Variants in SRPK2 observed in about 807,000 individuals in gnomAD.
The protein encoded by SRPK2 is SRSF protein kinase 2.
A neutral mutation model predicts 90.8 loss-of-function variants in SRPK2; 21 were observed. The observed-to-expected ratio is 0.23, with a 90% CI of 0.16 to 0.33. The LOEUF is 0.33. SRPK2 is among the 10% of genes least tolerant of loss of function. The probability of loss-of-function intolerance (pLI) is 1.00; values close to 1 mark genes in which losing one functional copy is unlikely to be tolerated. For missense variants in SRPK2, 620 were observed against 869.0 expected, an observed-to-expected ratio of 0.71 and a Z score of 3.60; for synonymous variants, 288 against 311.1, an observed-to-expected ratio of 0.93 and a Z score of 0.78.
At chr7:105,250,470 C>A (rs1802333614) in intron 2 of SRPK2, among the ~76,000 whole-genome samples, 1 of 151,944 alleles carries the variant, frequency 6.6e-6, no homozygotes, top group African/African-American at 2.4e-5. Flanking sequence ...GTTGGATTTA[C>A]AGAAGTATGT....
chr7:105,154,452 T>G (rs1441834919), intron 7 of SRPK2, among the ~76,000 whole-genome samples: 2 of 152,216 alleles, frequency 1.3e-5, no homozygotes, highest in Admixed American at 6.5e-5. Context: ...ATAACAAAAT[T>G]TACTGATAAA....
At position 105,264,639 on chromosome 7, in the gene SRPK2, T is replaced by G. The variant is rs1448715620; in HGVS notation, c.72-60854A>C. ...TTGAGCTACAAGTATAAAGACTCCC[T>G]TTTAAACACTAAAATACATCAAAAA... On this transcript the variant is annotated intron_variant, in intron 2 of 15. Transcript: ENST00000393651. Among the ~76,000 whole-genome samples, 10 of 152,226 alleles carry G rather than the reference T, an allele frequency of 6.6e-5. 1 individual carries two copies. The highest frequency in any genetic ancestry group is 1.9e-4 in the African/African-American group (8 of 41,462).
intron 2 of SRPK2, among the ~76,000 whole-genome samples, chr7:105,361,978 G>T (rs1019701179): frequency 6.6e-6 from 1 of 152,098 alleles, no homozygotes; most frequent in African/African-American, 2.4e-5. Flanking sequence ...TGAAAAACAG[G>T]ATCTAATTAA....
At chr7:105,324,764 G>A (rs946763825) in intron 2 of SRPK2, among the ~76,000 whole-genome samples, 1 of 152,198 alleles carries the variant, frequency 6.6e-6, no homozygotes, top group African/African-American at 2.4e-5. Flanking sequence ...GTGCACGCCT[G>A]CAATCCCAGC....
intron 2 of SRPK2, among the ~76,000 whole-genome samples, chr7:105,244,186 G>C (rs1801245672): frequency 6.6e-6 from 1 of 152,232 alleles, no homozygotes; most frequent in Non-Finnish European, 1.5e-5. Context: ...AGAACACAGA[G>C]AAGTTGGGGT....
chr7:105,383,053 AT>A (rs1161926443), intron 2 of SRPK2, among the ~76,000 whole-genome samples: 186 of 101,590 alleles, frequency 1.8e-3, no homozygotes, highest in African/African-American at 6.5e-3. Flanking sequence ...AAAAGTAAAA[AT>A]TTTTTTTTTT....
At chr7:105,212,706 T>C (rs879317931) in intron 2 of SRPK2, among the ~76,000 whole-genome samples, 3 of 152,048 alleles carry the variant, frequency 2.0e-5, no homozygotes, top group Non-Finnish European at 4.4e-5. Context: ...GTAGAAAGGA[T>C]AAAAGCAAGA....
chr7:105,181,304 A>G (rs1792765515), intron 3 of SRPK2, among the ~76,000 whole-genome samples: 2 of 152,238 alleles, frequency 1.3e-5, no homozygotes, highest in Non-Finnish European at 2.9e-5. Context: ...GGAAATCAGT[A>G]TGGCAATTCC....
chr7:105,361,171 C>T (rs1818377597), intron 2 of SRPK2, among the ~76,000 whole-genome samples: 1 of 152,058 alleles, frequency 6.6e-6, no homozygotes, highest in Admixed American at 6.6e-5. Context: ...TCTTATACAC[C>T]TATATACCAA....
chr7:105,330,012 G>C (rs1814096875), intron 2 of SRPK2, among the ~76,000 whole-genome samples: 1 of 152,000 alleles, frequency 6.6e-6, no homozygotes, highest in African/African-American at 2.4e-5. Context: ...TCCAACCTGG[G>C]CAACAGAGCG....
chr7:105,340,572 C>A (rs908562045), intron 2 of SRPK2, among the ~76,000 whole-genome samples: 1 of 151,876 alleles, frequency 6.6e-6, no homozygotes, highest in Admixed American at 6.6e-5. Context: ...CCACCACGCC[C>A]AGCTAAGTTT....
chr7:105,170,843 GAAAGA>G (rs1790801589), intron 3 of SRPK2, among the ~76,000 whole-genome samples: 13 of 10,046 alleles, frequency 1.3e-3, no homozygotes, highest in East Asian at 8.3e-3. Flanking sequence ...AAGGAAGAAA[GAAAGA>G]AAGAAAGAAA....
At chr7:105,149,558 C>CA (rs1479109596) in intron 7 of SRPK2, among the ~76,000 whole-genome samples, 3 of 152,162 alleles carry the variant, frequency 2.0e-5, no homozygotes, top group African/African-American at 7.2e-5. Context: ...CCCCTGGGCC[C>CA]ACTGTTGTTT....
In SRPK2 at chr7:105,319,516, G is replaced by C. The variant is rs200865225; in HGVS notation, c.71+69132C>G. On this transcript the variant is annotated intron_variant, in intron 2 of 15. Transcript: ENST00000393651. ...AATGCACTTGCGGCGGGGGGGGGGG[G>C]GGCGGTGGATGGCAGGGGGAGAATA... Among the ~76,000 whole-genome samples, 20 of 94,638 alleles carry C rather than the reference G, an allele frequency of 2.1e-4. 1 individual carries two copies. The highest frequency in any genetic ancestry group is 6.0e-4 in the South Asian group (1 of 1,672). 62.1% of individuals were successfully genotyped at this position (94,638 alleles called of 152,430 possible).
chr7:105,132,384 C>T (rs574618488), intron 13 of SRPK2, among the ~76,000 whole-genome samples: 6 of 152,230 alleles, frequency 3.9e-5, no homozygotes, highest in African/African-American at 1.2e-4. Context: ...CCCACCTGCC[C>T]GCCTTAGGCA....
At chr7:105,199,067 C>G (rs1299730196) in intron 3 of SRPK2, among the ~76,000 whole-genome samples, 1 of 152,024 alleles carries the variant, frequency 6.6e-6, no homozygotes, top group Non-Finnish European at 1.5e-5. Flanking sequence ...AAATATGGAC[C>G]CTCTTATTAA....
At chr7:105,159,463 A>AG (rs1563005786) in intron 7 of SRPK2, among the ~76,000 whole-genome samples, 2 of 146,522 alleles carry the variant, frequency 1.4e-5, no homozygotes, top group East Asian at 3.9e-4. Context: ...AAAAAAAAAA[A>AG]AAAAAAAAAA....
intron 13 of SRPK2, among the ~76,000 whole-genome samples, chr7:105,129,650 C>G (rs1469516980): frequency 6.6e-6 from 1 of 152,238 alleles, no homozygotes; most frequent in Admixed American, 6.5e-5. Context: ...GCTGGGATTA[C>G]AGGTGTGCAT....
intron 3 of SRPK2, among the ~76,000 whole-genome samples, chr7:105,182,260 C>G (rs965453502): frequency 6.7e-5 from 10 of 149,954 alleles, no homozygotes; most frequent in Non-Finnish European, 1.0e-4. Context: ...AAAATTCAAC[C>G]GTATACTCTA....
Sources: allele counts gnomAD v4.1 joint callset (sites outside exome capture counted in the v4.1 genomes callset), GRCh38; gene constraint gnomAD v4.1.1; transcripts MANE v1.5; gene names NCBI Gene and HGNC (gene_info 2026-07-23, HGNC 2026-07-21).